Variants in TECTA observed in about 807,000 individuals in gnomAD.
TECTA encodes alpha-tectorin.
Under a neutral mutation model 216.8 loss-of-function variants are expected in TECTA, and 128 were observed. That is an observed-to-expected ratio of 0.59 (90% CI 0.51 to 0.68). The LOEUF is 0.68. Ranked by LOEUF, TECTA falls within the 30% of genes least tolerant of loss-of-function variation. The probability of loss-of-function intolerance (pLI) is 0.00; values close to 1 mark genes in which losing one functional copy is unlikely to be tolerated. For synonymous variants in TECTA, 1,089 were observed against 1,117.1 expected, an observed-to-expected ratio of 0.97 and a Z score of 0.50; for missense variants, 2,551 against 2,786.2, an observed-to-expected ratio of 0.92 and a Z score of 1.90.
In TECTA at chr11:121,168,752, C is replaced by A. The variant is rs955468054; in HGVS notation, c.5826C>A (p.Tyr1942Ter). The A allele has an allele frequency of 5.6e-6, 9 of 1,614,088 alleles. No individual in the cohort carries two copies. The African/African-American group carries it at 1.1e-4, about 19-fold the overall frequency. Reference protein sequence around the residue: ...TKMALYKNASYKHPYRQGEVV... With the variant: ...TKMALYKNAS ...TGGCTCTCTACAAAAACGCCTCCTA[C>A]AAACATCCTTACCGCCAGGGTGAAG... Residue 1942 changes from tyrosine to a stop codon, truncating the protein, a stop_gained, in exon 20 of 24, where the codon TAC (tyrosine) becomes TAA (stop). Coordinates refer to ENST00000392793, the MANE Select transcript of TECTA (RefSeq NM_005422.4). LOFTEE classifies it high-confidence loss of function.
intron 9 of TECTA, 30 bp downstream of exon 9, chr11:121,128,374 C>T (rs780470414): frequency 1.9e-6 from 3 of 1,592,586 alleles, no homozygotes; most frequent in African/African-American, 1.3e-5. Flanking sequence ...TGGAGGGGTT[C>T]CTGGTACGTC....
chr11:121,131,978 C>T (rs979330179), intron 10 of TECTA, among the ~76,000 whole-genome samples: 1 of 152,164 alleles, frequency 6.6e-6, no homozygotes, highest in Admixed American at 6.5e-5. Flanking sequence ...TGTCAGATTT[C>T]TCCATTGAAA....
Position 121,129,714 on chromosome 11 carries a change from C to A in TECTA, c.2444C>A (p.Thr815Lys), listed in dbSNP as rs111759871. Residue 815 changes from threonine to lysine, a missense_variant, in exon 10 of 24, where the codon ACG becomes AAG. Thr to Lys is a moderately conservative substitution (Grantham distance 78). Coordinates refer to ENST00000392793, the MANE Select transcript of TECTA (RefSeq NM_005422.4). Reference protein sequence around the residue: ...KLEIYRNKNSTTVESKGVVTV... With the variant: ...KLEIYRNKNSKTVESKGVVTV... ...GAAATTTATCGAAACAAAAACAGTA[C>A]GACAGTGGAGTCCAAGGGCGTGGTG... 3 of 1,614,170 alleles carry A rather than the reference C, an allele frequency of 1.9e-6. No homozygotes were observed. Among genetic ancestry groups the A allele is most frequent in the Non-Finnish European group, 2.5e-6 (3 of 1,180,032 alleles).
rs1946622791 is a variant in TECTA at position 121,127,376 on chromosome 11, A to G, written c.1775-376A>G. ...ATTTATTTCCTTCTAAGAATGGACC[A>G]TGCTCTTTAAAATCAGATCAATTTA... On this transcript the variant is annotated intron_variant, in intron 8 of 23. Transcript: ENST00000392793. This position sits in a 1 kb window ranked among gnomAD's most constrained non-coding sequence, Gnocchi z 5.0. Among the ~76,000 whole-genome samples, 1 of 152,176 alleles carries G rather than the reference A, an allele frequency of 6.6e-6. No individual in the cohort carries two copies. Among genetic ancestry groups the G allele is most frequent in the African/African-American group, 2.4e-5 (1 of 41,438 alleles).
chr11:121,151,841 A>G (rs574659337), intron 12 of TECTA, among the ~76,000 whole-genome samples: 3 of 152,352 alleles, frequency 2.0e-5, no homozygotes, highest in South Asian at 2.1e-4. Context: ...TGTATAGGGT[A>G]TAGGGTAGAA....
chr11:121,137,796 G>A lies in TECTA; in HGVS notation c.3317G>A (p.Gly1106Asp), dbSNP rs144844263. ...GCCTCCTGCATCGTCTCAGGCTACGGCCACTACCTCACCTTTGATGGCTTC... is the reference window on the plus strand; with the variant it reads ...GCCTCCTGCATCGTCTCAGGCTACGACCACTACCTCACCTTTGATGGCTTC... Reference protein sequence around the residue: ...TDASCIVSGYGHYLTFDGFPF... With the variant: ...TDASCIVSGYDHYLTFDGFPF... Residue 1106 changes from glycine to aspartate, a missense_variant, in exon 11 of 24, where the codon GGC (glycine) becomes GAC (aspartate). Gly to Asp is a moderately conservative substitution (Grantham distance 94, BLOSUM62 -1). Coordinates refer to ENST00000392793, the MANE Select transcript of TECTA (RefSeq NM_005422.4). 3.2e-4 allele frequency: 522 copies of A among 1,613,882 alleles called. No homozygotes were observed. Among genetic ancestry groups the A allele is most frequent in the Non-Finnish European group, 4.2e-4 (500 of 1,179,778 alleles).
rs1290102832 is a variant in TECTA at position 121,162,239 on chromosome 11, A to G, written c.5141A>G (p.Tyr1714Cys). 4.3e-6 allele frequency: 7 copies of G among 1,614,154 alleles called. No individual in the cohort carries two copies. The highest frequency in any genetic ancestry group is 5.9e-6 in the Non-Finnish European group (7 of 1,180,048). ...CYGLLDPLPF[Y>C]ESCYLDGCYS... Reference sequence around the variant, plus strand: ...GGGCTTCTCGATCCCCTCCCATTCTACGAGTCCTGCTACCTGGACGGCTGC... The same window carrying G: ...GGGCTTCTCGATCCCCTCCCATTCTGCGAGTCCTGCTACCTGGACGGCTGC... Residue 1714 changes from tyrosine to cysteine, a missense_variant, in exon 16 of 24, where the codon TAC (tyrosine) becomes TGC (cysteine). Around this residue, in one of 3 missense-constraint regions of TECTA, gnomAD observed 2,375 missense variants for 2,563.9 expected, o/e 0.93. Transcript: ENST00000392793.
At chr11:121,175,064 T>C (rs1947151191) in intron 20 of TECTA, among the ~76,000 whole-genome samples, 1 of 152,192 alleles carries the variant, frequency 6.6e-6, no homozygotes, top group South Asian at 2.1e-4. Context: ...TTATTGCGTC[T>C]ATTTGATTCT....
At chr11:121,185,228 A>G (rs1385941098) in intron 20 of TECTA, among the ~76,000 whole-genome samples, 1 of 152,206 alleles carries the variant, frequency 6.6e-6, no homozygotes, top group Non-Finnish European at 1.5e-5. Flanking sequence ...CCTTTCTTGG[A>G]GGGATGTGAT....
intron 7 of TECTA, among the ~76,000 whole-genome samples, chr11:121,119,756 C>A (rs548906795): frequency 8.5e-5 from 13 of 152,308 alleles, no homozygotes. Context: ...CAACAAAAGG[C>A]AGGGCCAGGG....
rs1393989911 is a variant in TECTA at position 121,129,942 on chromosome 11, A to G, written c.2672A>G (p.Asp891Gly). ...GAGATCTGCAATGGAGAGTGTGGGG[A>G]CCTGCTGAAGGCCTGCAACAATGAC... ...FEEICNGECG[D>G]LLKACNNDSE... Residue 891 changes from aspartate to glycine, a missense_variant, in exon 10 of 24, where the codon GAC (aspartate) becomes GGC (glycine). Asp to Gly is a moderately conservative substitution (Grantham distance 94, BLOSUM62 -1). This residue lies in a region of TECTA where 2,375 missense variants were observed against 2,563.9 expected (regional missense o/e 0.93). Transcript: ENST00000392793. 1.9e-6 allele frequency: 3 copies of G among 1,609,752 alleles called. No individual in the cohort carries two copies. The East Asian group carries it at 6.7e-5, about 36-fold the overall frequency.
At chr11:121,163,561 G>A (rs1042770634) in intron 16 of TECTA, among the ~76,000 whole-genome samples, 2 of 151,910 alleles carry the variant, frequency 1.3e-5, no homozygotes, top group Non-Finnish European at 2.9e-5. Flanking sequence ...TAACTAACCT[G>A]CACATTGTGC....
intron 6 of TECTA, among the ~76,000 whole-genome samples, chr11:121,115,375 G>T (rs1049564845): frequency 6.6e-6 from 1 of 152,224 alleles, no homozygotes; most frequent in African/African-American, 2.4e-5. Context: ...AGATAAAGCT[G>T]CTCTAGCTAC....
intron 20 of TECTA, among the ~76,000 whole-genome samples, chr11:121,169,358 G>A (rs1417018715): frequency 2.0e-5 from 3 of 152,116 alleles, no homozygotes; most frequent in Non-Finnish European, 4.4e-5. Flanking sequence ...GACTCAACAA[G>A]TTTCTGTTTA....
rs1434887052 is a variant in TECTA, at chr11:121,168,034, G to T, written c.5587-20G>T. 1.9e-6 allele frequency: 3 copies of T among 1,614,022 alleles called. No individual in the cohort carries two copies. The highest frequency in any genetic ancestry group is 2.2e-5 in the South Asian group (2 of 91,038). On this transcript the variant is annotated intron_variant, in intron 18 of 23. Transcript: ENST00000392793. ...CTCACTCCCAGATGTAACGATTTCT[G>T]ACTTCCCCTTGTTCTGCAGTCCAAT...
At position 121,168,724 on chromosome 11, in the gene TECTA, A is replaced by G. The variant is rs908430399; in HGVS notation, c.5798A>G (p.Lys1933Arg). The G allele has an allele frequency of 2.0e-5, 32 of 1,614,110 alleles. No homozygotes were observed. Among genetic ancestry groups the G allele is most frequent in the Non-Finnish European group, 2.6e-5 (31 of 1,180,034 alleles). The change falls in exon 20 of 24, where the codon AAG becomes AGG. Residue 1933 changes from lysine to arginine, a missense_variant. Physicochemically the swap from Lys to Arg is conservative, Grantham distance 26 (BLOSUM62 2). Around this residue, in one of 3 missense-constraint regions of TECTA, gnomAD observed 2,375 missense variants for 2,563.9 expected, o/e 0.93. Transcript: ENST00000392793. ...VPTQEGSFIT[K>R]MALYKNASYK... ...ACCCAAGAAGGCAGCTTCATCACCA[A>G]GATGGCTCTCTACAAAAACGCCTCC...
At chr11:121,166,394 G>A (rs908955262) in intron 17 of TECTA, among the ~76,000 whole-genome samples, 184 bp from the exon 18 acceptor site, 2 of 152,204 alleles carry the variant, frequency 1.3e-5, no homozygotes, top group African/African-American at 4.8e-5. Context: ...TAATGCCCAG[G>A]TTACTGCTTT....
intron 10 of TECTA, among the ~76,000 whole-genome samples, chr11:121,131,058 CA>C (rs1313882615): frequency 1.3e-5 from 2 of 151,662 alleles, no homozygotes; most frequent in Non-Finnish European, 2.9e-5. Context: ...ACTAAAAATA[CA>C]AAAAATTAGC....
In TECTA at chr11:121,165,284, G is replaced by A; in HGVS notation, c.5284G>A (p.Glu1762Lys). 1 of 1,604,240 alleles carries A rather than the reference G, an allele frequency of 6.2e-7. No homozygotes were observed. The highest frequency in any genetic ancestry group is 8.5e-7 in the Non-Finnish European group (1 of 1,175,336). ...GTTTTTCTTTTTAGCAGGAGTGGTT[G>A]AAGATCCCTGTGTGGGGGCGGACTG... is the stretch of plus-strand genomic sequence containing the variant. ...IEKENCSGVV[E>K]DPCVGADCPN... The change falls in exon 17 of 24, where the codon GAA becomes AAA. Residue 1762 changes from glutamate (E) to lysine (K), a missense_variant. Around this residue, in one of 3 missense-constraint regions of TECTA, gnomAD observed 2,375 missense variants for 2,563.9 expected, o/e 0.93. Coordinates refer to ENST00000392793, the MANE Select transcript of TECTA (RefSeq NM_005422.4).
Sources: allele counts gnomAD v4.1 joint callset (sites outside exome capture counted in the v4.1 genomes callset), GRCh38; gene constraint gnomAD v4.1.1; regional missense constraint gnomAD v4.1.1; non-coding constraint Gnocchi (gnomAD v3.1); transcripts MANE v1.5; gene names NCBI Gene and HGNC (gene_info 2026-07-23, HGNC 2026-07-21).